TCF12: variants seen among roughly 807,000 people sequenced by gnomAD.
TCF12 encodes DNA-binding protein HTF4.
A neutral mutation model predicts 86.0 loss-of-function variants in TCF12; 45 were observed. The observed-to-expected ratio is 0.52, with a 90% confidence interval of 0.41 to 0.67. The LOEUF is 0.67. Ranked by LOEUF, TCF12 falls within the 30% of genes least tolerant of loss-of-function variation. The pLI, the probability that TCF12 is intolerant of heterozygous loss-of-function variation, is 0.00. For missense variants in TCF12, 881 were observed against 859.9 expected, an observed-to-expected ratio of 1.02 and a Z score of -0.31; for synonymous variants, 330 against 299.6, an observed-to-expected ratio of 1.10 and a Z score of -1.05.
intron 8 of TCF12, among the ~76,000 whole-genome samples, chr15:57,206,582 C>CTTTTTTTTTTTTT (rs67531540): frequency 1.7e-4 from 14 of 83,806 alleles, no homozygotes; most frequent in African/African-American, 3.3e-4. Flanking sequence ...CTTGTATTCT[C>CTTTTTTTTTTTTT]TTTTTTTTTT....
At chr15:57,274,764 T>C (rs1300857375) in intron 19 of TCF12, among the ~76,000 whole-genome samples, 1 of 152,182 alleles carries the variant, frequency 6.6e-6, no homozygotes, top group African/African-American at 2.4e-5. Context: ...GCTGTAAAAG[T>C]CTTACTGTCT....
Position 56,956,852 on chromosome 15 carries a change from A to G in TCF12, c.148+35754A>G, listed in dbSNP as rs74018439. Among the ~76,000 whole-genome samples, 4,298 of 152,044 alleles carry G rather than the reference A, an allele frequency of 0.028. 285 individuals carry two copies. In the East Asian group the frequency reaches 0.29, roughly 10 times the overall value. ...CAATTTTATTATGTGACTTGTTACA[A>G]TGTTTTCATGTTTCTTTTGCTTGGT... is the stretch of plus-strand genomic sequence containing the variant. On this transcript the variant is annotated intron_variant, in intron 3 of 20. Transcript: ENST00000333725.
chr15:56,948,472 T>C (rs1245014857), intron 3 of TCF12, among the ~76,000 whole-genome samples: 1 of 152,238 alleles, frequency 6.6e-6, no homozygotes, highest in Non-Finnish European at 1.5e-5. Context: ...GAATTTAGTA[T>C]GTAAAGGTTA....
intron 7 of TCF12, among the ~76,000 whole-genome samples, chr15:57,194,964 A>G (rs1286206003): frequency 2.0e-5 from 3 of 152,106 alleles, no homozygotes; most frequent in Non-Finnish European, 4.4e-5. Flanking sequence ...GTACAATGGC[A>G]TGATCTCGGC....
intron 5 of TCF12, among the ~76,000 whole-genome samples, chr15:57,132,395 A>G (rs547316954): frequency 2.0e-5 from 3 of 152,196 alleles, no homozygotes; most frequent in African/African-American, 4.8e-5. Context: ...TAGATTTTCT[A>G]TATGTTGTTT....
At chr15:57,105,275 C>G (rs2151197195) in intron 5 of TCF12, among the ~76,000 whole-genome samples, 1 of 152,294 alleles carries the variant, frequency 6.6e-6, no homozygotes, top group South Asian at 2.1e-4. Flanking sequence ...TAGAGAATGC[C>G]TTGTATCGCC....
At chr15:56,999,408 A>G (rs967641611) in intron 3 of TCF12, among the ~76,000 whole-genome samples, 1 of 560 alleles carries the variant, frequency 1.8e-3, no homozygotes, top group African/African-American at 2.3e-3. Flanking sequence ...AGTATCAGCA[A>G]CCAAACGGGA....
At chr15:57,185,038 T>C (rs1250372784) in intron 6 of TCF12, among the ~76,000 whole-genome samples, 1 of 152,222 alleles carries the variant, frequency 6.6e-6, no homozygotes, top group Non-Finnish European at 1.5e-5. Flanking sequence ...ATGTTGTATC[T>C]ATTGGAATTT....
At chr15:56,991,032 T>A (rs1022972943) in intron 3 of TCF12, among the ~76,000 whole-genome samples, 1 of 152,034 alleles carries the variant, frequency 6.6e-6, no homozygotes, top group Non-Finnish European at 1.5e-5. Flanking sequence ...CTGGGCTTAA[T>A]CAGTCCTCCC....
chr15:57,024,216 CTTTTTTTTT>C (rs59793819), intron 3 of TCF12, among the ~76,000 whole-genome samples: 33,341 of 111,780 alleles, frequency 0.3, 4,698 homozygotes, highest in East Asian at 0.47. Flanking sequence ...AAAAAAGTGT[CTTTTTTTTT>C]TTTTTTTTTT....
chr15:57,031,946 G>C lies in TCF12; in HGVS notation c.149-31804G>C, dbSNP rs1332957355. Among the ~76,000 whole-genome samples the C allele has an allele frequency of 2.0e-5, 3 of 152,168 alleles. No homozygotes were observed. In the East Asian group the frequency reaches 5.8e-4, roughly 29 times the overall value. ...TGAGGGGGAGGGTACCTTCAGCTCTGTTTGATGGAACTGTAGTTCCAAGAG... is the reference window on the plus strand; with the variant it reads ...TGAGGGGGAGGGTACCTTCAGCTCTCTTTGATGGAACTGTAGTTCCAAGAG... On this transcript the variant is annotated intron_variant, in intron 3 of 20. Transcript: ENST00000333725.
Position 57,252,481 on chromosome 15 carries a change from G to T in TCF12, c.1249G>T (p.Asp417Tyr). The T allele has an allele frequency of 6.2e-7, 1 of 1,613,724 alleles. No individual in the cohort carries two copies. Among genetic ancestry groups the T allele is most frequent in the Non-Finnish European group, 8.5e-7 (1 of 1,179,776 alleles). Residue 417 changes from aspartate to tyrosine, a missense_variant, in exon 15 of 21, where the codon GAT becomes TAT. Asp to Tyr is a radical substitution (Grantham distance 160). Transcript: ENST00000333725. The stretch of plus-strand genomic sequence containing the variant: ...GCAAGATGCAATGTCCTTCTTAAAG[G>T]ATGTCTGTGAGGTACTATTTCTTTT... ...HLQDAMSFLKDVCEQSRMEDR... is the reference protein window; with the variant it reads ...HLQDAMSFLKYVCEQSRMEDR...
At position 57,197,744 on chromosome 15, in the gene TCF12, T is replaced by C. The variant is rs766427024; in HGVS notation, c.527-29T>C. 8 of 1,611,228 alleles carry C rather than the reference T, an allele frequency of 5.0e-6. No individual in the cohort carries two copies. The Admixed American group carries it at 1.0e-4, about 20-fold the overall frequency. On this transcript the variant is annotated intron_variant, in intron 7 of 20. Coordinates refer to ENST00000333725, the MANE Select transcript of TCF12 (RefSeq NM_207037.2). ...TTGATTTTTTTCTGGTATATTATGC[T>C]GAAGAAATGTATTGTTTTCCATCTG...
chr15:56,932,914 T>C (rs1385371721), intron 3 of TCF12, among the ~76,000 whole-genome samples: 6 of 152,210 alleles, frequency 3.9e-5, no homozygotes, highest in Non-Finnish European at 2.9e-5. Flanking sequence ...AATTAAGGAC[T>C]TTATTTTTAG....
At chr15:57,027,871 A>G (rs529116545) in intron 3 of TCF12, among the ~76,000 whole-genome samples, 12 of 152,298 alleles carry the variant, frequency 7.9e-5, no homozygotes, top group African/African-American at 2.9e-4. Flanking sequence ...GCCTGCCGCC[A>G]TGCAAGACTT....
At position 57,127,347 on chromosome 15, in the gene TCF12, A is replaced by G. The variant is rs112113967; in HGVS notation, c.325+35456A>G. On this transcript the variant is annotated intron_variant, in intron 5 of 20. Transcript: ENST00000333725. ...AGTAAATATTTATAAAACAATTACA[A>G]TATACAAGAAGTTCTGCTAAACTTT... 1.1e-4 allele frequency among the ~76,000 whole-genome samples: 17 copies of G among 152,312 alleles called. 1 individual carries two copies. Among genetic ancestry groups the G allele is most frequent in the African/African-American group, 3.8e-4 (16 of 41,562 alleles).
At chr15:57,256,261 G>A (rs932439941) in intron 16 of TCF12, among the ~76,000 whole-genome samples, 7 of 152,188 alleles carry the variant, frequency 4.6e-5, no homozygotes, top group Admixed American at 3.3e-4. Context: ...TCTTAGGCAT[G>A]TTATTGAGGA....
At chr15:57,043,982 GGAAA>G (rs1387620517) in intron 3 of TCF12, among the ~76,000 whole-genome samples, 1 of 151,472 alleles carries the variant, frequency 6.6e-6, no homozygotes, top group Non-Finnish European at 1.5e-5. Flanking sequence ...AAACTATGAT[GGAAA>G]GAAAGTTTTA....
intron 12 of TCF12, among the ~76,000 whole-genome samples, chr15:57,237,099 A>G (rs1202936553): frequency 1.3e-5 from 2 of 151,902 alleles, no homozygotes; most frequent in African/African-American, 4.8e-5. Flanking sequence ...CTTTGTGATA[A>G]TTTATGTTTT....
Sources: allele counts gnomAD v4.1 joint callset (sites outside exome capture counted in the v4.1 genomes callset), GRCh38; gene constraint gnomAD v4.1.1; transcripts MANE v1.5; gene names NCBI Gene and HGNC (gene_info 2026-07-23, HGNC 2026-07-21).